The following BRPF3 variants were observed in gnomAD, a reference collection of about 807,000 sequenced individuals.
The protein encoded by BRPF3 is bromodomain and PHD finger containing 3.
A neutral mutation model predicts 102.0 loss-of-function variants in BRPF3; 18 were observed. The ratio of observed to expected loss-of-function variants is 0.18; its 90% CI spans 0.12 to 0.26. The LOEUF (loss-of-function observed/expected upper bound fraction) is 0.26. Among genes scored for constraint, BRPF3 ranks in the 10% least tolerant of loss-of-function variants. The pLI is 1.00. For missense variants in BRPF3, 1,147 were observed against 1,567.8 expected (o/e 0.73, Z 4.53); for synonymous variants, 570 against 614.2 (o/e 0.93, Z 1.06).
At chr6:36,204,600 G>A in intron 2 of BRPF3, 58 bp from the exon 3 acceptor site, 1 of 1,597,722 alleles carries the variant, frequency 6.3e-7, no homozygotes. Context: ...GGATGCACAG[G>A]CTGTAATCTG....
intron 3 of BRPF3, among the ~76,000 whole-genome samples, chr6:36,206,365 CTG>C (rs954694559): frequency 1.1e-4 from 16 of 152,288 alleles, no homozygotes; most frequent in African/African-American, 3.9e-4. Context: ...GAATGTCTGA[CTG>C]TGGAGAGGAG....
chr6:36,226,281 C>T (rs1227429285), intron 11 of BRPF3, among the ~76,000 whole-genome samples: 1 of 152,198 alleles, frequency 6.6e-6, no homozygotes, highest in Non-Finnish European at 1.5e-5. Flanking sequence ...TTGGTTTATA[C>T]TCACACCAGC....
In BRPF3 at chr6:36,201,858, T is replaced by C. The variant is rs1217783087; in HGVS notation, c.1448+88T>C. The C allele has an allele frequency of 4.7e-6, 7 of 1,497,462 alleles. No individual in the cohort carries two copies. The highest frequency in any genetic ancestry group is 6.3e-6 in the Non-Finnish European group (7 of 1,118,634). 92.8% of individuals were successfully genotyped at this position (1,497,462 alleles called of 1,614,324 possible). Reference sequence around the variant, plus strand: ...TGTGCCAGGCCTTCGCTAAACACAGTTGGACACTATATCCTCCTCCCCGAA... The same window carrying C: ...TGTGCCAGGCCTTCGCTAAACACAGCTGGACACTATATCCTCCTCCCCGAA... On this transcript the variant is annotated intron_variant, in intron 2 of 12. Transcript: ENST00000357641. The surrounding 1 kb of genome is among the most constrained non-coding windows in gnomAD (Gnocchi z 5.1).
intron 10 of BRPF3, among the ~76,000 whole-genome samples, chr6:36,223,550 C>T (rs4236048): frequency 0.91 from 137,881 of 152,312 alleles, 62,560 homozygotes; most frequent in East Asian, 0.97. Flanking sequence ...CTGTTTATTT[C>T]AGGCACATTT....
In BRPF3 at chr6:36,196,780, C is replaced by G. The variant is rs1371537071; in HGVS notation, c.-217C>G. On this transcript the variant is annotated 5_prime_UTR_variant, in exon 1 of 13. Coordinates refer to ENST00000357641, the MANE Select transcript of BRPF3 (RefSeq NM_015695.3). ...GGCAGCAGCGGCGGCTCCATTCCCCCTCCTCCCCCGGGAGCGGCGGCGGCG... is the reference window on the plus strand; with the variant it reads ...GGCAGCAGCGGCGGCTCCATTCCCCGTCCTCCCCCGGGAGCGGCGGCGGCG... 6.5e-6 allele frequency: 1 copy of G among 153,530 alleles called. No individual in the cohort carries two copies. The highest frequency in any genetic ancestry group is 1.4e-5 in the Non-Finnish European group (1 of 69,636). 9.5% of individuals were successfully genotyped at this position (153,530 alleles called of 1,614,324 possible). A position where few individuals can be genotyped will look rare whatever the true frequency, so the allele number is the denominator to read the frequency against.
chr6:36,229,092 C>A (rs550990224), intron 12 of BRPF3, 36 bp downstream of exon 12: 3 of 1,603,904 alleles, frequency 1.9e-6, no homozygotes, highest in South Asian at 1.1e-5. Context: ...CTGAGGGGCA[C>A]GCCAGGGGTC....
At chr6:36,213,322 G>C (rs1203547622) in intron 7 of BRPF3, among the ~76,000 whole-genome samples, 2 of 152,212 alleles carry the variant, frequency 1.3e-5, no homozygotes, top group African/African-American at 4.8e-5. Context: ...TGGAGCCTAG[G>C]CATTGGAATT....
chr6:36,229,271 A>G (rs945906399), intron 12 of BRPF3, among the ~76,000 whole-genome samples: 1 of 152,228 alleles, frequency 6.6e-6, no homozygotes, highest in Non-Finnish European at 1.5e-5. Flanking sequence ...GACTTGCATC[A>G]GGAGGCTATT....
intron 2 of BRPF3, among the ~76,000 whole-genome samples, chr6:36,204,104 TC>T (rs1767817596): frequency 6.6e-6 from 1 of 152,170 alleles, no homozygotes; most frequent in Non-Finnish European, 1.5e-5. Flanking sequence ...ATTTTTTTTT[TC>T]ATTTGGTTCA....
Position 36,210,534 on chromosome 6 carries a change from A to C in BRPF3, c.2179+6A>C, listed in dbSNP as rs1768066235. 6.3e-7 allele frequency: 1 copy of C among 1,578,014 alleles called. No homozygotes were observed. Among genetic ancestry groups the C allele is most frequent in the African/African-American group, 1.3e-5 (1 of 74,270 alleles). ...CCGCTTCTCCTGGGAAGACGGTGAG[A>C]GGCCTGGATGGGTGGGGAGGAGAGG... On this transcript the variant is annotated splice_donor_region_variant and intron_variant, in intron 6 of 12. Transcript: ENST00000357641. The surrounding 1 kb of genome is among the most constrained non-coding windows in gnomAD (Gnocchi z 4.7).
rs764987236 is a variant in BRPF3 at position 36,230,391 on chromosome 6, C to A, written c.3435-35C>A. On this transcript the variant is annotated intron_variant, in intron 12 of 12. Coordinates refer to ENST00000357641, the MANE Select transcript of BRPF3 (RefSeq NM_015695.3). This position sits in a 1 kb window ranked among gnomAD's most constrained non-coding sequence, Gnocchi z 5.4. ...GAGCCCGAGCCCCCTGTGAGACCCA[C>A]TACTGCCCAGCCTCTTACTGTGCTT... 2.2e-5 allele frequency: 36 copies of A among 1,607,144 alleles called. 1 individual carries two copies. Among genetic ancestry groups the A allele is most frequent in the African/African-American group, 1.3e-5 (1 of 74,826 alleles).
Position 36,230,378 on chromosome 6 carries a change from C to T in BRPF3, c.3435-48C>T. 1 of 1,590,492 alleles carries T rather than the reference C, an allele frequency of 6.3e-7. No individual in the cohort carries two copies. Among genetic ancestry groups the T allele is most frequent in the South Asian group, 1.1e-5 (1 of 88,550 alleles). On this transcript the variant is annotated intron_variant, in intron 12 of 12. Transcript: ENST00000357641. This position sits in a 1 kb window ranked among gnomAD's most constrained non-coding sequence, Gnocchi z 5.4. Reference sequence around the variant, plus strand: ...AGTGGGGCCACAGGAGCCCGAGCCCCCTGTGAGACCCACTACTGCCCAGCC... The same window carrying T: ...AGTGGGGCCACAGGAGCCCGAGCCCTCTGTGAGACCCACTACTGCCCAGCC...
chr6:36,221,540 C>T (rs1214465903), intron 9 of BRPF3, among the ~76,000 whole-genome samples: 2 of 152,176 alleles, frequency 1.3e-5, no homozygotes, highest in Admixed American at 1.3e-4. Flanking sequence ...CCAGCTCAGC[C>T]TCCCAAAGTG....
chr6:36,224,956 C>T (rs1427022673), intron 10 of BRPF3, among the ~76,000 whole-genome samples: 1 of 152,154 alleles, frequency 6.6e-6, no homozygotes, highest in African/African-American at 2.4e-5. Context: ...GGGACATAGC[C>T]ATGCTCATTC....
At chr6:36,214,511 G>A in intron 8 of BRPF3, 125 bp downstream of exon 8, 1 of 1,178,260 alleles carries the variant, frequency 8.5e-7, no homozygotes, top group East Asian at 2.6e-5. Context: ...GTAGCATTGA[G>A]GGCACCATAG....
rs767349182 is a variant in BRPF3, at chr6:36,230,206, T to C, written c.3435-220T>C. The stretch of plus-strand genomic sequence containing the variant: ...CCCAGAGAAGGACCTAGCTGCAAAA[T>C]TGATTCCATGCCATTCCCCCACCCG... On this transcript the variant is annotated intron_variant, in intron 12 of 12. Transcript: ENST00000357641. The surrounding 1 kb of genome is among the most constrained non-coding windows in gnomAD (Gnocchi z 5.4). Among the ~76,000 whole-genome samples the C allele has an allele frequency of 5.3e-5, 8 of 151,918 alleles. No homozygotes were observed. The highest frequency in any genetic ancestry group is 2.6e-4 in the Admixed American group (4 of 15,252).
intron 2 of BRPF3, among the ~76,000 whole-genome samples, chr6:36,202,418 C>CA (rs542134045): frequency 2.1e-5 from 3 of 141,756 alleles, no homozygotes; most frequent in East Asian, 2.0e-4. Context: ...GGACCCCCCC[C>CA]CCCTCCGCCC....
At chr6:36,224,622 G>A (rs1273748913) in intron 10 of BRPF3, among the ~76,000 whole-genome samples, 2 of 152,180 alleles carry the variant, frequency 1.3e-5, no homozygotes, top group Admixed American at 1.3e-4. Flanking sequence ...TGGCATCTTT[G>A]TCCATGAAGC....
chr6:36,225,226 G>C, intron 10 of BRPF3, 41 bp from the exon 11 acceptor site: 3 of 1,570,142 alleles, frequency 1.9e-6, no homozygotes, highest in Non-Finnish European at 2.6e-6. Flanking sequence ...ACCATTCCAA[G>C]TCCCCTTTGG....
Sources: allele counts gnomAD v4.1 joint callset (sites outside exome capture counted in the v4.1 genomes callset), GRCh38; gene constraint gnomAD v4.1.1; non-coding constraint Gnocchi (gnomAD v3.1); transcripts MANE v1.5; gene names NCBI Gene and HGNC (gene_info 2026-07-23, HGNC 2026-07-21).